Variants in TRMU observed in about 807,000 individuals in gnomAD.
TRMU encodes the protein tRNA mitochondrial 2-thiouridylase.
In TRMU, 49 loss-of-function variants were observed where a neutral mutation model predicts 46.9. That is an observed-to-expected ratio of 1.05 (90% CI 0.83 to 1.33). The LOEUF is 1.33. TRMU is among the 40% of genes most tolerant of loss of function. The probability of loss-of-function intolerance (pLI) is 0.00; values close to 1 mark genes in which losing one functional copy is unlikely to be tolerated. For synonymous variants in TRMU, 241 were observed against 200.9 expected (o/e 1.20, Z -1.69); for missense variants, 572 against 532.4 (o/e 1.07, Z -0.73).
In TRMU at chr22:46,348,870, C is replaced by T. The variant is rs904879147; in HGVS notation, c.479-1421C>T. On this transcript the variant is annotated intron_variant, in intron 4 of 10. Transcript: ENST00000645190. The surrounding 1 kb of genome is among the most constrained non-coding windows in gnomAD (Gnocchi z 4.8). ...GACTCTGAGGCCAGGTGCGGTGGCT[C>T]ATGCCTGTAATCACAGCACTTTGGG... is the stretch of plus-strand genomic sequence containing the variant. Among the ~76,000 whole-genome samples the T allele has an allele frequency of 2.0e-4, 31 of 152,072 alleles. No homozygotes were observed. Among genetic ancestry groups the T allele is most frequent in the Non-Finnish European group, 2.9e-5 (2 of 68,008 alleles).
rs1004989546 is a variant in TRMU, at chr22:46,357,135, C to T, written c.*129C>T. On this transcript the variant is annotated 3_prime_UTR_variant, in exon 11 of 11. Transcript: ENST00000645190. Reference sequence around the variant, plus strand: ...GAGGAAGCCGGGCTGGCTGAGGGTCCGAAAAGCCTGCAGGGGCCCGGCGAG... The same window carrying T: ...GAGGAAGCCGGGCTGGCTGAGGGTCTGAAAAGCCTGCAGGGGCCCGGCGAG... The T allele has an allele frequency of 2.6e-4, 357 of 1,355,728 alleles. 2 individuals are homozygous for T. Among genetic ancestry groups the T allele is most frequent in the Middle Eastern group, 2.2e-4 (1 of 4,496 alleles). 84.0% of individuals were successfully genotyped at this position (1,355,728 alleles called of 1,614,324 possible).
chr22:46,346,554 T>C lies in TRMU; in HGVS notation c.478+10T>C, dbSNP rs766252898. On this transcript the variant is annotated intron_variant, in intron 4 of 10. Coordinates refer to ENST00000645190, the MANE Select transcript of TRMU (RefSeq NM_018006.5). The stretch of plus-strand genomic sequence containing the variant: ...TTTGAAGTTAGAAATGGTAAGTTCA[T>C]GTGCCCAGGTCAGAGCCAAATTCTT... 9.9e-6 allele frequency: 16 copies of C among 1,608,266 alleles called. No individual in the cohort carries two copies. The highest frequency in any genetic ancestry group is 1.3e-5 in the Non-Finnish European group (15 of 1,176,434).
chr22:46,345,495 G>T (rs957388981), intron 3 of TRMU, among the ~76,000 whole-genome samples: 5 of 152,136 alleles, frequency 3.3e-5, no homozygotes, highest in African/African-American at 1.2e-4. Context: ...TCACTCTGAT[G>T]AAAATAATAC....
chr22:46,352,873 T>C (rs1256214957), intron 7 of TRMU: 2 of 237,518 alleles, frequency 8.4e-6, no homozygotes, highest in South Asian at 1.3e-4. Context: ...GCAGTCCTGC[T>C]GTGGGGACAG....
intron 2 of TRMU, among the ~76,000 whole-genome samples, chr22:46,340,927 C>T (rs574877140): frequency 6.6e-6 from 1 of 152,378 alleles, no homozygotes; most frequent in East Asian, 1.9e-4. Flanking sequence ...TCTGCCCTCG[C>T]CCAGTACCAG....
rs2147060179 is a variant in TRMU, at chr22:46,347,208, C to A, written c.478+664C>A. Among the ~76,000 whole-genome samples, 1 of 152,166 alleles carries A rather than the reference C, an allele frequency of 6.6e-6. No individual in the cohort carries two copies. The highest frequency in any genetic ancestry group is 1.5e-5 in the Non-Finnish European group (1 of 68,032). ...GTTTCCGCACGGAGCGTCCGTCCAT[C>A]AGTGGGGACCCCTGAAGGGCAGCCT... On this transcript the variant is annotated intron_variant, in intron 4 of 10. Coordinates refer to ENST00000645190, the MANE Select transcript of TRMU (RefSeq NM_018006.5). The surrounding 1 kb of genome is among the most constrained non-coding windows in gnomAD (Gnocchi z 5.0).
At chr22:46,346,831 G>A (rs2078271852) in intron 4 of TRMU, among the ~76,000 whole-genome samples, 2 of 152,226 alleles carry the variant, frequency 1.3e-5, no homozygotes, top group Admixed American at 6.5e-5. Flanking sequence ...TGATTTGAAT[G>A]TTCCAAAAAT....
At chr22:46,340,452 A>C (rs2078092786) in intron 2 of TRMU, among the ~76,000 whole-genome samples, 1 of 152,192 alleles carries the variant, frequency 6.6e-6, no homozygotes, top group Non-Finnish European at 1.5e-5. Flanking sequence ...GCGATTTTTG[A>C]AGTTTAGCTC....
At position 46,338,007 on chromosome 22, in the gene TRMU, TC is replaced by T. The variant is rs1601935989; in HGVS notation, c.248+65del. The T allele has an allele frequency of 6.2e-7, 1 of 1,607,830 alleles. No individual in the cohort carries two copies. The highest frequency in any genetic ancestry group is 2.2e-5 in the East Asian group (1 of 44,814). ...ACTGTGGATCCTTGCAGTGGAAGGA[TC>T]CGGTAACCAGCCAGACCGACGCCTG... On this transcript the variant is annotated intron_variant, in intron 2 of 10. Coordinates refer to ENST00000645190, the MANE Select transcript of TRMU (RefSeq NM_018006.5). This position sits in a 1 kb window ranked among gnomAD's most constrained non-coding sequence, Gnocchi z 4.5.
rs1050319423 is a variant in TRMU, at chr22:46,349,600, C to T, written c.479-691C>T. Among the ~76,000 whole-genome samples, 3 of 152,200 alleles carry T rather than the reference C, an allele frequency of 2.0e-5. No homozygotes were observed. The highest frequency in any genetic ancestry group is 4.4e-5 in the Non-Finnish European group (3 of 68,036). ...GTTTTTTGCCATTGATCATTGAACT[C>T]GAGAGTGGAGAACTGGACGGTTCTA... On this transcript the variant is annotated intron_variant, in intron 4 of 10. Coordinates refer to ENST00000645190, the MANE Select transcript of TRMU (RefSeq NM_018006.5). The surrounding 1 kb of genome is among the most constrained non-coding windows in gnomAD (Gnocchi z 4.6).
intron 8 of TRMU, chr22:46,355,117 C>T (rs1239581112): frequency 2.1e-6 from 1 of 468,150 alleles, no homozygotes; most frequent in Non-Finnish European, 3.9e-6. Context: ...CGTGCTGCTG[C>T]CCCACAGGTG....
In TRMU at chr22:46,347,815, T is replaced by C. The variant is rs1302983244; in HGVS notation, c.478+1271T>C. On this transcript the variant is annotated intron_variant, in intron 4 of 10. Transcript: ENST00000645190. This position sits in a 1 kb window ranked among gnomAD's most constrained non-coding sequence, Gnocchi z 5.0. ...CGCTCACTCCCCAGCCCCTGCTGCTTCTGCTGGGTCAGGCCCCAGCTGAGT... is the reference window on the plus strand; with the variant it reads ...CGCTCACTCCCCAGCCCCTGCTGCTCCTGCTGGGTCAGGCCCCAGCTGAGT... 1.3e-5 allele frequency among the ~76,000 whole-genome samples: 2 copies of C among 152,196 alleles called. No individual in the cohort carries two copies. The highest frequency in any genetic ancestry group is 2.9e-5 in the Non-Finnish European group (2 of 68,026).
intron 3 of TRMU, among the ~76,000 whole-genome samples, chr22:46,344,549 C>T (rs769171315): frequency 1.3e-5 from 2 of 152,154 alleles, no homozygotes; most frequent in Non-Finnish European, 2.9e-5. Flanking sequence ...AAAGAGTTCC[C>T]TGAGGTGGAG....
rs1480009273 is a variant in TRMU, at chr22:46,353,810, C to A, written c.816C>A (p.Gly272=). 6.2e-7 allele frequency: 1 copy of A among 1,613,920 alleles called. No homozygotes were observed. The change falls in exon 8 of 11, where the codon GGC becomes GGA. Residue 272 remains glycine (G), a synonymous_variant. Transcript: ENST00000645190. ...YTLGQRANIG[G]LREPWYVVEK... ...TGGGCCAGAGAGCAAACATAGGTGGCCTGAGAGAGCCCTGGTACGTGGTGG... is the reference window on the plus strand; with the variant it reads ...TGGGCCAGAGAGCAAACATAGGTGGACTGAGAGAGCCCTGGTACGTGGTGG...
chr22:46,351,230 T>G lies in TRMU; in HGVS notation c.651+767T>G, dbSNP rs1569079592. 6.6e-6 allele frequency among the ~76,000 whole-genome samples: 1 copy of G among 152,134 alleles called. No homozygotes were observed. Among genetic ancestry groups the G allele is most frequent in the African/African-American group, 2.4e-5 (1 of 41,420 alleles). On this transcript the variant is annotated intron_variant, in intron 5 of 10. Coordinates refer to ENST00000645190, the MANE Select transcript of TRMU (RefSeq NM_018006.5). This position sits in a 1 kb window ranked among gnomAD's most constrained non-coding sequence, Gnocchi z 6.4. ...GCGAGGAGAAGCCAGGGAGCCGCTG[T>G]GGGGGTGCCTGCCTGTGGCCCCAGC...
intron 2 of TRMU, among the ~76,000 whole-genome samples, chr22:46,340,520 G>A (rs1045403980): frequency 7.1e-6 from 1 of 140,886 alleles, no homozygotes; most frequent in African/African-American, 3.2e-5. Flanking sequence ...GAGCGGAGCT[G>A]GGATTAAACC....
In TRMU at chr22:46,356,581, C is replaced by G. The variant is rs942236121; in HGVS notation, c.1102-261C>G. 4.6e-5 allele frequency: 25 copies of G among 547,694 alleles called. No individual in the cohort carries two copies. In the Admixed American group the frequency reaches 5.0e-4, roughly 11 times the overall value. 33.9% of individuals were successfully genotyped at this position (547,694 alleles called of 1,614,324 possible). On this transcript the variant is annotated intron_variant, in intron 10 of 10. Coordinates refer to ENST00000645190, the MANE Select transcript of TRMU (RefSeq NM_018006.5). Reference sequence around the variant, plus strand: ...AAGGGGTGCAGAGACCTGCCAGTCCCTTGGAGTCCCAGGAGAGGCCCCTGT... The same window carrying G: ...AAGGGGTGCAGAGACCTGCCAGTCCGTTGGAGTCCCAGGAGAGGCCCCTGT...
rs747185202 is a variant in TRMU at position 46,356,922 on chromosome 22, G to T, written c.1182G>T (p.Gln394His). The change falls in exon 11 of 11, where the codon CAG becomes CAT. Residue 394 changes from glutamine (Q) to histidine (H), a missense_variant. Coordinates refer to ENST00000645190, the MANE Select transcript of TRMU (RefSeq NM_018006.5). ...TGGGGCCGTCTGCCTACACGCTCCA[G>T]AAGGGCCAGCGCAGAGCTGGGATGG... The part of the protein sequence containing the change: ...LRLGPSAYTL[Q>H]KGQRRAGMAT... 17 of 1,613,158 alleles carry T rather than the reference G, an allele frequency of 1.1e-5. No individual in the cohort carries two copies. The highest frequency in any genetic ancestry group is 1.6e-4 in the Middle Eastern group (1 of 6,084).
At position 46,349,901 on chromosome 22, in the gene TRMU, CT is replaced by C. The variant is rs1392041758; in HGVS notation, c.479-389del. On this transcript the variant is annotated intron_variant, in intron 4 of 10. Transcript: ENST00000645190. This position sits in a 1 kb window ranked among gnomAD's most constrained non-coding sequence, Gnocchi z 4.6. Reference sequence around the variant, plus strand: ...CTGTGGTTGTTGGAAGAAGGCACAGCTGACACTATATCAGTGGAATTTTCTG... The same window carrying C: ...CTGTGGTTGTTGGAAGAAGGCACAGCGACACTATATCAGTGGAATTTTCTG... Among the ~76,000 whole-genome samples the C allele has an allele frequency of 6.6e-6, 1 of 152,112 alleles. No individual in the cohort carries two copies. Among genetic ancestry groups the C allele is most frequent in the Non-Finnish European group, 1.5e-5 (1 of 68,024 alleles).
Sources: allele counts gnomAD v4.1 joint callset (sites outside exome capture counted in the v4.1 genomes callset), GRCh38; gene constraint gnomAD v4.1.1; non-coding constraint Gnocchi (gnomAD v3.1); transcripts MANE v1.5; gene names NCBI Gene and HGNC (gene_info 2026-07-23, HGNC 2026-07-21).